CROCC2: variants seen among roughly 807,000 people sequenced by gnomAD.
CROCC2 encodes the protein ciliary rootlet coiled-coil protein 2.
CROCC2 carries 163 observed loss-of-function variants against 177.6 expected under a neutral mutation model. The observed-to-expected ratio is 0.92, with a 90% confidence interval of 0.81 to 1.05. The LOEUF (loss-of-function observed/expected upper bound fraction) is 1.05. CROCC2 is among the 50% of genes least tolerant of loss of function. The pLI, the probability that CROCC2 is intolerant of heterozygous loss-of-function variation, is 0.00. For missense variants in CROCC2, 1,929 were observed against 1,797.8 expected, an observed-to-expected ratio of 1.07 and a Z score of -1.32; for synonymous variants, 904 against 787.3, an observed-to-expected ratio of 1.15 and a Z score of -2.48.
chr2:240,920,221 C>T (rs2059350078), intron 3 of CROCC2, 87 bp downstream of exon 3: 3 of 588,580 alleles, frequency 5.1e-6, no homozygotes, highest in South Asian at 2.0e-5. Flanking sequence ...GCAGTCAGAG[C>T]CTGGGACCAT....
chr2:240,990,751 T>C (rs1344980425), intron 30 of CROCC2, among the ~76,000 whole-genome samples: 1 of 152,090 alleles, frequency 6.6e-6, no homozygotes, highest in Non-Finnish European at 1.5e-5. Flanking sequence ...CCTGGCTAAT[T>C]TTTTGTATTG....
At position 240,912,177 on chromosome 2, in the gene CROCC2, A is replaced by G. The variant is rs116867436; in HGVS notation, c.78+5586A>G. Among the ~76,000 whole-genome samples the G allele has an allele frequency of 0.013, 1,947 of 152,092 alleles. 97 individuals carry two copies. In the East Asian group the frequency reaches 0.16, roughly 13 times the overall value. On this transcript the variant is annotated intron_variant, in intron 1 of 31. Coordinates refer to ENST00000690015, the MANE Select transcript of CROCC2 (RefSeq NM_001351305.2). ...TGTCTGTACTGTTGTTACTCATACC[A>G]CTTTTAACACCAAATGTGTGGGTTT...
chr2:240,990,290 G>A (rs2059868998), intron 30 of CROCC2, among the ~76,000 whole-genome samples: 1 of 152,194 alleles, frequency 6.6e-6, no homozygotes, highest in African/African-American at 2.4e-5. Context: ...ACAGTGAGGT[G>A]GATAAGGAAG....
chr2:240,933,499 G>A lies in CROCC2; in HGVS notation c.1463+157G>A, dbSNP rs149810019. Among the ~76,000 whole-genome samples, 33 of 152,294 alleles carry A rather than the reference G, an allele frequency of 2.2e-4. No homozygotes were observed. In the East Asian group the frequency reaches 6.0e-3, roughly 28 times the overall value. On this transcript the variant is annotated intron_variant, in intron 10 of 31. Coordinates refer to ENST00000690015, the MANE Select transcript of CROCC2 (RefSeq NM_001351305.2). Reference sequence around the variant, plus strand: ...AGAGTTGTGTGAGCACCAGTTGAGCGTGGGCCAGGGTGGGACACACCCGCC... The same window carrying A: ...AGAGTTGTGTGAGCACCAGTTGAGCATGGGCCAGGGTGGGACACACCCGCC...
At chr2:240,983,519 C>T (rs760702066) in intron 28 of CROCC2, 2 of 1,250,410 alleles carry the variant, frequency 1.6e-6, no homozygotes, top group African/African-American at 3.2e-5. Context: ...GGCGGCGCTG[C>T]GCACCGAGCG....
rs951064168 is a variant in CROCC2, at chr2:240,963,615, G to A, written c.3147G>A (p.Gln1049=). The A allele has an allele frequency of 1.3e-6, 2 of 1,548,578 alleles. No individual in the cohort carries two copies. Among genetic ancestry groups the A allele is most frequent in the African/African-American group, 2.7e-5 (2 of 72,998 alleles). Residue 1049 remains glutamine, a synonymous_variant, in exon 21 of 32, where the codon CAG becomes CAA. Transcript: ENST00000690015. ...VAQEGLAALR[Q]ELQGVEESRE... is the part of the protein sequence containing the mutation. ...AGGAGGGACTGGCCGCACTGCGCCA[G>A]GAGCTGCAGGGCGTCGAGGAGAGCC...
intron 8 of CROCC2, 38 bp from the exon 9 acceptor site, chr2:240,932,664 T>G (rs1367345682): frequency 1.4e-6 from 1 of 720,818 alleles, no homozygotes; most frequent in Non-Finnish European, 2.6e-6. Context: ...GGCCCTGTGC[T>G]CTGGGCCCCT....
Position 240,960,987 on chromosome 2 carries a change from G to A in CROCC2, c.3087+1543G>A, listed in dbSNP as rs1057075546. On this transcript the variant is annotated intron_variant, in intron 20 of 31. Coordinates refer to ENST00000690015, the MANE Select transcript of CROCC2 (RefSeq NM_001351305.2). The surrounding 1 kb of genome is among the most constrained non-coding windows in gnomAD (Gnocchi z 5.0). ...TTCTGCTGGCCTCAAGGAAGGGAGT[G>A]CAGGCCTCATGGGAAGGTCAGGCTC... Among the ~76,000 whole-genome samples the A allele has an allele frequency of 9.2e-5, 14 of 151,860 alleles. No homozygotes were observed. Among genetic ancestry groups the A allele is most frequent in the Admixed American group, 2.6e-4 (4 of 15,268 alleles).
intron 28 of CROCC2, among the ~76,000 whole-genome samples, chr2:240,988,019 A>T (rs1391935310): frequency 6.6e-6 from 1 of 152,254 alleles, no homozygotes; most frequent in Non-Finnish European, 1.5e-5. Context: ...TCTGTAAGAG[A>T]GAACTCTTAG....
rs1456973189 is a variant in CROCC2, at chr2:240,993,090, G to A, written c.*9G>A. The A allele has an allele frequency of 1.1e-5, 8 of 716,932 alleles. No individual in the cohort carries two copies. The East Asian group carries it at 2.1e-4, about 19-fold the overall frequency. 44.4% of individuals were successfully genotyped at this position (716,932 alleles called of 1,614,324 possible). On this transcript the variant is annotated 3_prime_UTR_variant, in exon 32 of 32. Transcript: ENST00000690015. ...GCGCCCAAAGGGACTGAAGCTCCCAGCACAGGGGAGGCGCCCAGCGTGGCT... is the reference window on the plus strand; with the variant it reads ...GCGCCCAAAGGGACTGAAGCTCCCAACACAGGGGAGGCGCCCAGCGTGGCT...
chr2:240,913,189 C>G (rs11683735), intron 1 of CROCC2, among the ~76,000 whole-genome samples: 34,231 of 151,890 alleles, frequency 0.23, 3,968 homozygotes, highest in African/African-American at 0.24. Flanking sequence ...CAGGTTCCTG[C>G]TCTGCCTCAC....
At position 240,966,300 on chromosome 2, in the gene CROCC2, G is replaced by A; in HGVS notation, c.4037G>A (p.Trp1346Ter). 2.3e-6 allele frequency: 1 copy of A among 441,510 alleles called. No individual in the cohort carries two copies. Among genetic ancestry groups the A allele is most frequent in the Non-Finnish European group, 3.8e-6 (1 of 262,668 alleles). The allele number at this position is 441,510 out of a possible 1,614,324, so 27.3% of individuals were successfully genotyped here. The change falls in exon 25 of 32, where the codon TGG (tryptophan) becomes TAG (stop). Residue 1346 changes from tryptophan to a stop codon, truncating the protein, a stop_gained. Coordinates refer to ENST00000690015, the MANE Select transcript of CROCC2 (RefSeq NM_001351305.2). LOFTEE classifies it high-confidence loss of function. Reference sequence around the variant, plus strand: ...GCCAGGCCCCACTCGCCCCTCCGATGGCCCTCGCCCACACCCGGAGGCCGC... The same window carrying A: ...GCCAGGCCCCACTCGCCCCTCCGATAGCCCTCGCCCACACCCGGAGGCCGC... ...PPARPHSPLR[W>*]PSPTPGGRSS... is the part of the protein sequence containing the mutation.
chr2:240,986,230 G>T (rs1022530468), intron 28 of CROCC2, among the ~76,000 whole-genome samples: 4 of 152,226 alleles, frequency 2.6e-5, no homozygotes, highest in Non-Finnish European at 5.9e-5. Flanking sequence ...GGTGCAGGGT[G>T]GGGTAGTCCT....
chr2:240,911,858 T>C (rs2059290980), intron 1 of CROCC2, among the ~76,000 whole-genome samples: 2 of 152,306 alleles, frequency 1.3e-5, no homozygotes, highest in South Asian at 4.1e-4. Context: ...GTTCTACTCA[T>C]AGAGGGACCA....
At position 240,959,388 on chromosome 2, in the gene CROCC2, G is replaced by T. The variant is rs1574777943; in HGVS notation, c.3031G>T (p.Ala1011Ser). Residue 1011 changes from alanine (A) to serine (S), a missense_variant, in exon 20 of 32, where the codon GCC becomes TCC. Ala to Ser is a moderately conservative substitution (Grantham distance 99). Coordinates refer to ENST00000690015, the MANE Select transcript of CROCC2 (RefSeq NM_001351305.2). Reference sequence around the variant, plus strand: ...CACAGCCCATCAGAGGGAGACCACGGCCCTACGCGAGAGCCTCCAGGACCT... The same window carrying T: ...CACAGCCCATCAGAGGGAGACCACGTCCCTACGCGAGAGCCTCCAGGACCT... ...AITAHQRETT[A>S]LRESLQDLAA... 1 of 1,550,406 alleles carries T rather than the reference G, an allele frequency of 6.4e-7. No homozygotes were observed. The highest frequency in any genetic ancestry group is 1.4e-5 in the African/African-American group (1 of 73,054).
chr2:240,937,203 G>GT (rs756233465), intron 14 of CROCC2, among the ~76,000 whole-genome samples: 11 of 151,954 alleles, frequency 7.2e-5, no homozygotes, highest in Admixed American at 5.2e-4. Context: ...TTTGTTTTTT[G>GT]TTTTTTTAGC....
intron 30 of CROCC2, 54 bp downstream of exon 30, chr2:240,989,887 T>A: frequency 6.8e-7 from 1 of 1,469,142 alleles, no homozygotes; most frequent in Middle Eastern, 2.2e-4. Context: ...GACAGAGGAC[T>A]GGCATCCCCG....
chr2:240,917,156 C>T lies in CROCC2; in HGVS notation c.79-1570C>T, dbSNP rs531983829. Among the ~76,000 whole-genome samples, 11 of 152,250 alleles carry T rather than the reference C, an allele frequency of 7.2e-5. No individual in the cohort carries two copies. The highest frequency in any genetic ancestry group is 3.9e-4 in the East Asian group (2 of 5,158). Reference sequence around the variant, plus strand: ...CCTGGTGCACGGGCTGTCGGGAGGACGGGCGGGCTGGCCCCAGACCTCAGC... The same window carrying T: ...CCTGGTGCACGGGCTGTCGGGAGGATGGGCGGGCTGGCCCCAGACCTCAGC... On this transcript the variant is annotated intron_variant, in intron 1 of 31. Transcript: ENST00000690015. This position sits in a 1 kb window ranked among gnomAD's most constrained non-coding sequence, Gnocchi z 4.9.
At chr2:240,984,273 C>T (rs2059820752) in intron 28 of CROCC2, among the ~76,000 whole-genome samples, 1 of 152,088 alleles carries the variant, frequency 6.6e-6, no homozygotes, top group Non-Finnish European at 1.5e-5. Context: ...GGACCCTGGA[C>T]GCAGGTGGAC....
Sources: allele counts gnomAD v4.1 joint callset (sites outside exome capture counted in the v4.1 genomes callset), GRCh38; gene constraint gnomAD v4.1.1; non-coding constraint Gnocchi (gnomAD v3.1); transcripts MANE v1.5; gene names NCBI Gene and HGNC (gene_info 2026-07-23, HGNC 2026-07-21).